The following INSR variants were observed in gnomAD, a reference collection of about 807,000 sequenced individuals.
INSR encodes the protein IR.
Under a neutral mutation model 142.6 loss-of-function variants are expected in INSR, and 67 were observed. That is an observed-to-expected ratio of 0.47 (90% CI 0.39 to 0.58). INSR has a LOEUF of 0.58. INSR is among the 20% of genes least tolerant of loss of function. INSR has a pLI of 0.00. For synonymous variants in INSR, 756 were observed against 743.1 expected (o/e 1.02, Z -0.28); for missense variants, 1,248 against 1,833.2 (o/e 0.68, Z 5.83).
At chr19:7,284,583 C>G (rs1401500835) in intron 1 of INSR, among the ~76,000 whole-genome samples, 1 of 152,070 alleles carries the variant, frequency 6.6e-6, no homozygotes. Context: ...GGCTGGAGTG[C>G]AGAGGCACAA....
At chr19:7,176,913 C>T (rs1459990447) in intron 3 of INSR, among the ~76,000 whole-genome samples, 1 of 152,176 alleles carries the variant, frequency 6.6e-6, no homozygotes, top group East Asian at 1.9e-4. Flanking sequence ...GTTACCCCAA[C>T]GTGGCAGAAT....
intron 2 of INSR, among the ~76,000 whole-genome samples, chr19:7,229,760 C>CTTTT (rs71177180): frequency 1.0e-4 from 9 of 87,516 alleles, no homozygotes; most frequent in East Asian, 3.0e-4. Flanking sequence ...CATTTACAGT[C>CTTTT]TTTTTTTTTT....
At chr19:7,144,774 G>A (rs999116378) in intron 11 of INSR, among the ~76,000 whole-genome samples, 5 of 150,512 alleles carry the variant, frequency 3.3e-5, no homozygotes, top group African/African-American at 1.2e-4. Context: ...CTTCCCCAAA[G>A]TAGATTCCTA....
At chr19:7,289,724 AGAG>A (rs1311817648) in intron 1 of INSR, among the ~76,000 whole-genome samples, 1 of 152,064 alleles carries the variant, frequency 6.6e-6, no homozygotes, top group East Asian at 1.9e-4. Context: ...TTGAACAAAG[AGAG>A]GAGAAAGAGC....
intron 1 of INSR, among the ~76,000 whole-genome samples, chr19:7,292,419 C>G (rs902949133): frequency 6.6e-6 from 1 of 151,204 alleles, no homozygotes; most frequent in Non-Finnish European, 1.5e-5. Flanking sequence ...TCCAACTAAC[C>G]GCCACCCTTC....
At chr19:7,268,134 A>G (rs1021724253) in intron 1 of INSR, among the ~76,000 whole-genome samples, 3 of 152,094 alleles carry the variant, frequency 2.0e-5, no homozygotes, top group Middle Eastern at 3.2e-3. Context: ...CCCTGTTAAA[A>G]TCCTTAAAAT....
At chr19:7,236,255 C>A (rs374293941) in intron 2 of INSR, among the ~76,000 whole-genome samples, 1 of 152,122 alleles carries the variant, frequency 6.6e-6, no homozygotes, top group African/African-American at 2.4e-5. Flanking sequence ...AGCCACCGCA[C>A]CTGGCCTGCC....
At chr19:7,156,782 CTTTTTTT>C (rs746400499) in intron 9 of INSR, among the ~76,000 whole-genome samples, 9 of 63,184 alleles carry the variant, frequency 1.4e-4, no homozygotes, top group African/African-American at 4.2e-4. Context: ...CTATTTCTCT[CTTTTTTT>C]TTTTTTTTTT....
chr19:7,261,041 C>A (rs1341257329), intron 2 of INSR, among the ~76,000 whole-genome samples: 1 of 152,066 alleles, frequency 6.6e-6, no homozygotes, highest in Non-Finnish European at 1.5e-5. Flanking sequence ...GCACCTGCCA[C>A]CATGCCTGGC....
chr19:7,279,315 TAA>T (rs899655834), intron 1 of INSR, among the ~76,000 whole-genome samples: 1 of 149,768 alleles, frequency 6.7e-6, no homozygotes, highest in Non-Finnish European at 1.5e-5. Flanking sequence ...AATTAAAAAA[TAA>T]AAAAGAAAGA....
At chr19:7,239,816 T>A (rs1313306188) in intron 2 of INSR, among the ~76,000 whole-genome samples, 1 of 110,378 alleles carries the variant, frequency 9.1e-6, no homozygotes, top group Non-Finnish European at 1.8e-5. Flanking sequence ...AAGAACATAG[T>A]GGCTGAGAGG....
rs549904296 is a variant in INSR at position 7,231,450 on chromosome 19, A to G, written c.652+35895T>C. ...TGAGTAGCTGGGATTACAGGTCCCC[A>G]ACACCACGCCCTGCTAATTTTTGTA... On this transcript the variant is annotated intron_variant, in intron 2 of 21. Coordinates refer to ENST00000302850, the MANE Select transcript of INSR (RefSeq NM_000208.4). Among the ~76,000 whole-genome samples the G allele has an allele frequency of 2.6e-5, 4 of 151,724 alleles. No individual in the cohort carries two copies. In the East Asian group the frequency reaches 5.8e-4, roughly 22 times the overall value.
At chr19:7,235,063 A>C (rs1172541935) in intron 2 of INSR, among the ~76,000 whole-genome samples, 1 of 151,686 alleles carries the variant, frequency 6.6e-6, no homozygotes, top group Non-Finnish European at 1.5e-5. Context: ...GTCTCAAAAA[A>C]TAATAATAAT....
intron 2 of INSR, among the ~76,000 whole-genome samples, chr19:7,252,487 A>G (rs1183933782): frequency 2.0e-5 from 3 of 152,166 alleles, no homozygotes; most frequent in Non-Finnish European, 4.4e-5. Flanking sequence ...TTTATTTGCA[A>G]ATGAGGAAAC....
At chr19:7,156,782 CTTTTTTTTTTT>C (rs746400499) in intron 9 of INSR, among the ~76,000 whole-genome samples, 3 of 63,184 alleles carry the variant, frequency 4.7e-5, no homozygotes, top group South Asian at 7.2e-4. Flanking sequence ...CTATTTCTCT[CTTTTTTTTTTT>C]TTTTTTTTTT....
Position 7,166,025 on chromosome 19 carries a change from C to T in INSR, c.1861+129G>A. 1 of 1,033,202 alleles carries T rather than the reference C, an allele frequency of 9.7e-7. No homozygotes were observed. The highest frequency in any genetic ancestry group is 1.4e-5 in the South Asian group (1 of 70,874). The allele number at this position is 1,033,202 out of a possible 1,614,324, so 64.0% of individuals were successfully genotyped here. On this transcript the variant is annotated intron_variant, in intron 8 of 21. Transcript: ENST00000302850. The surrounding 1 kb of genome is among the most constrained non-coding windows in gnomAD (Gnocchi z 4.1). ...CTCTAGCCTGGGTGACAAAGTAAGACCCTGTCTAAAAAAAAAAAAAAAGCC... is the reference window on the plus strand; with the variant it reads ...CTCTAGCCTGGGTGACAAAGTAAGATCCTGTCTAAAAAAAAAAAAAAAGCC...
At chr19:7,190,876 T>C (rs1199359573) in intron 2 of INSR, among the ~76,000 whole-genome samples, 1 of 152,174 alleles carries the variant, frequency 6.6e-6, no homozygotes, top group Non-Finnish European at 1.5e-5. Context: ...CATAAAACAA[T>C]GATAAGTATG....
intron 1 of INSR, among the ~76,000 whole-genome samples, chr19:7,281,730 C>T (rs2064336002): frequency 6.6e-6 from 1 of 152,092 alleles, no homozygotes; most frequent in African/African-American, 2.4e-5. Context: ...AAAGCAGTTG[C>T]ATCCCTACTC....
rs1056553954 is a variant in INSR at position 7,116,795 on chromosome 19, G to A, written c.*261C>T. 2.9e-6 allele frequency: 1 copy of A among 342,204 alleles called. No homozygotes were observed. Among genetic ancestry groups the A allele is most frequent in the Non-Finnish European group, 5.3e-6 (1 of 190,136 alleles). The allele number at this position is 342,204 out of a possible 1,614,324, so 21.2% of individuals were successfully genotyped here. A position where few individuals can be genotyped will look rare whatever the true frequency, so the allele number is the denominator to read the frequency against. Reference sequence around the variant, plus strand: ...GGGGAACGAAAAAACACAAAATCCTGGTTTGAAACCGTCGTTGCCCCAAAG... The same window carrying A: ...GGGGAACGAAAAAACACAAAATCCTAGTTTGAAACCGTCGTTGCCCCAAAG... On this transcript the variant is annotated 3_prime_UTR_variant, in exon 22 of 22. Coordinates refer to ENST00000302850, the MANE Select transcript of INSR (RefSeq NM_000208.4).
Sources: gnomAD v4.1 joint callset for allele counts (sites outside exome capture counted in the v4.1 genomes callset) on GRCh38, gnomAD v4.1.1 for gene constraint, Gnocchi (gnomAD v3.1) non-coding constraint, MANE v1.5 for transcripts, NCBI Gene and HGNC (gene_info 2026-07-23, HGNC 2026-07-21) for gene names.